Variants in STX11 observed in about 807,000 individuals in gnomAD.
STX11 encodes syntaxin-11.
STX11 carries 21 observed loss-of-function variants against 19.9 expected under a neutral mutation model. The ratio of observed to expected loss-of-function variants is 1.06; its 90% confidence interval spans 0.75 to 1.52. The LOEUF (loss-of-function observed/expected upper bound fraction) is 1.52, where lower values mean the gene tolerates loss of function less well. STX11 is among the 40% of genes most tolerant of loss of function. The pLI, the probability that STX11 is intolerant of heterozygous loss-of-function variation, is 0.00. For missense variants in STX11, 438 were observed against 405.9 expected, an observed-to-expected ratio of 1.08 and a Z score of -0.68; for synonymous variants, 193 against 174.4, an observed-to-expected ratio of 1.11 and a Z score of -0.84.
At chr6:144,158,430 A>C (rs1052709582) in intron 1 of STX11, among the ~76,000 whole-genome samples, 1 of 152,210 alleles carries the variant, frequency 6.6e-6, no homozygotes, top group Non-Finnish European at 1.5e-5. Context: ...AAATTTTTTG[A>C]ATAGTTGCAG....
At chr6:144,166,529 T>A (rs1181161275) in intron 1 of STX11, among the ~76,000 whole-genome samples, 1 of 147,310 alleles carries the variant, frequency 6.8e-6, no homozygotes, top group Non-Finnish European at 1.5e-5. Context: ...TCTTTCCTTT[T>A]TTTTTTTTTT....
At chr6:144,143,981 C>A in the STX11 span, among the ~76,000 whole-genome samples, 1 of 152,246 alleles carries the variant, frequency 6.6e-6, no homozygotes, top group African/African-American at 2.4e-5. Flanking sequence ...ATTTTCTAAC[C>A]ATTAATATAT....
At position 144,191,836 on chromosome 6, in the gene STX11, G is replaced by A. The variant is rs180819010; in HGVS notation, c.*4345G>A. On this transcript the variant is annotated 3_prime_UTR_variant, in exon 2 of 2. Coordinates refer to ENST00000367568, the MANE Select transcript of STX11 (RefSeq NM_003764.4). ...TAACTTCATCATATAAATGATGAGT[G>A]TCTTTGTTATCAACACGTTATTAAG... is the stretch of plus-strand genomic sequence containing the variant. Among the ~76,000 whole-genome samples the A allele has an allele frequency of 1.1e-3, 166 of 152,324 alleles. No homozygotes were observed. Among genetic ancestry groups the A allele is most frequent in the Middle Eastern group, 6.8e-3 (2 of 294 alleles).
chr6:144,178,901 T>C (rs1394800687), intron 1 of STX11, among the ~76,000 whole-genome samples: 3 of 152,194 alleles, frequency 2.0e-5, no homozygotes, highest in African/African-American at 4.8e-5. Context: ...TTAGGAACTT[T>C]TTAGTTTTAA....
In STX11 at chr6:144,186,753, G is replaced by C; in HGVS notation, c.126G>C (p.Glu42Asp). The change falls in exon 2 of 2, where the codon GAG becomes GAC. Residue 42 changes from glutamate (E) to aspartate (D), a missense_variant. Transcript: ENST00000367568. Reference sequence around the variant, plus strand: ...TGTTCGAGACGGACCACATCCTGGAGTCCCTGTACCGAGACATCCGGGACA... The same window carrying C: ...TGTTCGAGACGGACCACATCCTGGACTCCCTGTACCGAGACATCCGGGACA... ...DIVFETDHIL[E>D]SLYRDIRDIQ... 1 of 1,614,144 alleles carries C rather than the reference G, an allele frequency of 6.2e-7. No individual in the cohort carries two copies. The highest frequency in any genetic ancestry group is 8.5e-7 in the Non-Finnish European group (1 of 1,180,046).
Position 144,188,156 on chromosome 6 carries a change from C to T in STX11, c.*665C>T, listed in dbSNP as rs776425897. On this transcript the variant is annotated 3_prime_UTR_variant, in exon 2 of 2. Coordinates refer to ENST00000367568, the MANE Select transcript of STX11 (RefSeq NM_003764.4). ...TATTATTTTTCCAAACATTTTTAAG[C>T]ACTGAATATCGAACAAGCACTCAAA... 24 of 238,890 alleles carry T rather than the reference C, an allele frequency of 1.0e-4. No individual in the cohort carries two copies. Among genetic ancestry groups the T allele is most frequent in the South Asian group, 5.5e-4 (3 of 5,468 alleles). 14.8% of individuals were successfully genotyped at this position (238,890 alleles called of 1,614,324 possible).
the STX11 span, among the ~76,000 whole-genome samples, chr6:144,140,252 A>G: frequency 1.9e-5 from 1 of 51,984 alleles, no homozygotes; most frequent in South Asian, 6.8e-4. Context: ...ATATATATAT[A>G]TATTTATTTA....
intron 1 of STX11, among the ~76,000 whole-genome samples, chr6:144,179,665 A>G (rs757772539): frequency 6.6e-6 from 1 of 152,222 alleles, no homozygotes; most frequent in Non-Finnish European, 1.5e-5. Flanking sequence ...CAATCCAACC[A>G]TGCTCAGCTC....
upstream of STX11, among the ~76,000 whole-genome samples, chr6:144,150,007 G>A (rs1234801836): frequency 6.6e-6 from 1 of 152,178 alleles, no homozygotes. Flanking sequence ...AGGCCGACTG[G>A]AGAGAGGTTG....
At chr6:144,141,809 G>C in the STX11 span, among the ~76,000 whole-genome samples, 11 of 151,920 alleles carry the variant, frequency 7.2e-5, no homozygotes, top group Non-Finnish European at 8.8e-5. Context: ...CTCCCGAGTA[G>C]CTGGGACTAC....
rs937745056 is a variant in STX11 at position 144,167,913 on chromosome 6, G to T, written c.-6+17210G>T. ...TAGGATTACAGGTGTGAACCACCAT[G>T]CCTCACTACAGTCATGTTCTTAGAC... On this transcript the variant is annotated intron_variant, in intron 1 of 1. Transcript: ENST00000367568. The surrounding 1 kb of genome is among the most constrained non-coding windows in gnomAD (Gnocchi z 5.0). Among the ~76,000 whole-genome samples the T allele has an allele frequency of 6.6e-6, 1 of 152,154 alleles. No homozygotes were observed. Among genetic ancestry groups the T allele is most frequent in the South Asian group, 2.1e-4 (1 of 4,820 alleles).
At chr6:144,144,618 T>TTTA in the STX11 span, among the ~76,000 whole-genome samples, 1,003 of 152,370 alleles carry the variant, frequency 6.6e-3, 13 homozygotes, top group African/African-American at 0.02. Context: ...TTATCGTGGC[T>TTTA]GTTAAGTACT....
rs1378079810 is a variant in STX11 at position 144,153,438 on chromosome 6, G to A, written c.-6+2735G>A. ...CAGAAGGAACAGCACCCATAGAGAA[G>A]TGAAACAGCACTGGACGTTCAGGAA... On this transcript the variant is annotated intron_variant, in intron 1 of 1. Transcript: ENST00000367568. This position sits in a 1 kb window ranked among gnomAD's most constrained non-coding sequence, Gnocchi z 5.0. Among the ~76,000 whole-genome samples, 1 of 152,130 alleles carries A rather than the reference G, an allele frequency of 6.6e-6. No individual in the cohort carries two copies. The highest frequency in any genetic ancestry group is 6.5e-5 in the Admixed American group (1 of 15,270).
upstream of STX11, among the ~76,000 whole-genome samples, chr6:144,147,109 C>T (rs1800888719): frequency 6.6e-6 from 1 of 151,988 alleles, no homozygotes; most frequent in African/African-American, 2.4e-5. The surrounding 1 kb of genome is among the most constrained non-coding windows in gnomAD (Gnocchi z 4.2). Flanking sequence ...TATCATCCCT[C>T]TTTCCATTCC....
upstream of STX11, among the ~76,000 whole-genome samples, chr6:144,145,547 A>G (rs1800857350): frequency 6.6e-6 from 1 of 152,254 alleles, no homozygotes; most frequent in South Asian, 2.1e-4. Flanking sequence ...TGATATATAT[A>G]CACAACGAGG....
intron 1 of STX11, among the ~76,000 whole-genome samples, chr6:144,186,212 A>G (rs1802026966): frequency 6.7e-6 from 1 of 150,022 alleles, no homozygotes; most frequent in Non-Finnish European, 1.5e-5. Flanking sequence ...GATATACCTA[A>G]TGTAAATGAT....
intron 1 of STX11, among the ~76,000 whole-genome samples, chr6:144,156,338 A>G (rs1434919502): frequency 6.6e-6 from 1 of 152,134 alleles, no homozygotes; most frequent in Admixed American, 6.5e-5. Context: ...TGCTGGGATT[A>G]TAGGCGTGAG....
the STX11 span, among the ~76,000 whole-genome samples, chr6:144,141,896 C>G: frequency 1.3e-5 from 2 of 151,936 alleles, no homozygotes; most frequent in East Asian, 1.9e-4. Context: ...TGCCCAAGCT[C>G]ATTTTGAACT....
chr6:144,160,562 A>T lies in STX11; in HGVS notation c.-6+9859A>T, dbSNP rs930985693. The stretch of plus-strand genomic sequence containing the variant: ...TTGTTTAACCTGACATCACAAAGCA[A>T]ATAGGCCAAGTGCTAACATGTGCAT... On this transcript the variant is annotated intron_variant, in intron 1 of 1. Transcript: ENST00000367568. The surrounding 1 kb of genome is among the most constrained non-coding windows in gnomAD (Gnocchi z 4.3). 6.6e-6 allele frequency among the ~76,000 whole-genome samples: 1 copy of T among 152,218 alleles called. No individual in the cohort carries two copies. The highest frequency in any genetic ancestry group is 2.4e-5 in the African/African-American group (1 of 41,446).
Sources: allele counts gnomAD v4.1 joint callset (sites outside exome capture counted in the v4.1 genomes callset), GRCh38; gene constraint gnomAD v4.1.1; non-coding constraint Gnocchi (gnomAD v3.1); transcripts MANE v1.5; gene names NCBI Gene and HGNC (gene_info 2026-07-23, HGNC 2026-07-21).